The following CRY1 variants were observed in gnomAD, a reference collection of about 807,000 sequenced individuals.
CRY1 encodes cryptochrome-1.
Under a neutral mutation model 76.0 loss-of-function variants are expected in CRY1, and 45 were observed. That is an observed-to-expected ratio of 0.59 (90% CI 0.47 to 0.76). CRY1 has a LOEUF of 0.76. Among genes scored for constraint, CRY1 ranks in the 30% least tolerant of loss-of-function variants. CRY1 has a pLI of 0.00. For missense variants in CRY1, 587 were observed against 716.4 expected, an observed-to-expected ratio of 0.82 and a Z score of 2.06; for synonymous variants, 248 against 244.0, an observed-to-expected ratio of 1.02 and a Z score of -0.15.
At chr12:107,069,656 GTA>G (rs1165928985) in intron 1 of CRY1, among the ~76,000 whole-genome samples, 6 of 96,252 alleles carry the variant, frequency 6.2e-5, no homozygotes, top group African/African-American at 2.5e-4. Context: ...AGTATATAAA[GTA>G]TATATAAAGT....
intron 1 of CRY1, among the ~76,000 whole-genome samples, chr12:107,045,469 C>T (rs1029734872): frequency 1.3e-5 from 2 of 152,094 alleles, no homozygotes; most frequent in African/African-American, 4.8e-5. Flanking sequence ...ACAAGCATGG[C>T]CAACGTGGCG....
chr12:107,032,651 C>T (rs12303629), intron 1 of CRY1, among the ~76,000 whole-genome samples: 100 of 152,228 alleles, frequency 6.6e-4, no homozygotes, highest in African/African-American at 2.3e-3. Context: ...TGGAGAAACC[C>T]TGATTAAATT....
chr12:107,001,206 A>G (rs1201427457), intron 5 of CRY1, 74 bp downstream of exon 5: 17 of 1,112,592 alleles, frequency 1.5e-5, no homozygotes, highest in Non-Finnish European at 2.2e-5. Context: ...TGTTATTTTT[A>G]AAAGAGAGAA....
intron 2 of CRY1, among the ~76,000 whole-genome samples, chr12:107,016,182 C>G (rs973290287): frequency 1.3e-5 from 2 of 151,972 alleles, no homozygotes; most frequent in African/African-American, 4.8e-5. Flanking sequence ...TGGTGGCGCA[C>G]TCCTGTAGTC....
chr12:107,037,901 G>A (rs570047194), intron 1 of CRY1, among the ~76,000 whole-genome samples: 1 of 152,010 alleles, frequency 6.6e-6, no homozygotes, highest in Non-Finnish European at 1.5e-5. Flanking sequence ...TAGCTATGGG[G>A]TCTCACTATG....
chr12:107,046,801 T>C (rs993948775), intron 1 of CRY1, among the ~76,000 whole-genome samples: 1 of 152,194 alleles, frequency 6.6e-6, no homozygotes, highest in African/African-American at 2.4e-5. Flanking sequence ...GCTCATAATA[T>C]AATGATAAAA....
At chr12:107,080,654 A>C (rs906185395) in intron 1 of CRY1, among the ~76,000 whole-genome samples, 2 of 152,070 alleles carry the variant, frequency 1.3e-5, no homozygotes, top group African/African-American at 2.4e-5. Flanking sequence ...ATTGTTAAAA[A>C]AAAATAAAAA....
chr12:107,041,222 T>C (rs569679804), intron 1 of CRY1, among the ~76,000 whole-genome samples: 5 of 152,216 alleles, frequency 3.3e-5, no homozygotes, highest in South Asian at 2.1e-4. Flanking sequence ...AAAAAAATTC[T>C]ACTCCTTAGA....
chr12:107,058,812 G>T (rs1198321433), intron 1 of CRY1, among the ~76,000 whole-genome samples: 1 of 152,180 alleles, frequency 6.6e-6, no homozygotes, highest in Non-Finnish European at 1.5e-5. Flanking sequence ...CCTGGAATAA[G>T]GATTCTAATA....
chr12:107,084,840 A>C (rs979767040), intron 1 of CRY1, among the ~76,000 whole-genome samples: 2 of 152,208 alleles, frequency 1.3e-5, no homozygotes, highest in African/African-American at 2.4e-5. Flanking sequence ...ATTAAACTAA[A>C]GAGTTTCTGC....
At chr12:107,039,936 T>G (rs1038269525) in intron 1 of CRY1, among the ~76,000 whole-genome samples, 2 of 152,166 alleles carry the variant, frequency 1.3e-5, no homozygotes, top group African/African-American at 4.8e-5. Context: ...GAAAATATTA[T>G]ACATACATAC....
At chr12:107,064,033 T>C (rs954963049) in intron 1 of CRY1, among the ~76,000 whole-genome samples, 2 of 152,168 alleles carry the variant, frequency 1.3e-5, no homozygotes, top group Non-Finnish European at 2.9e-5. Context: ...AGAGTATACT[T>C]ATTTTTTTTT....
At chr12:107,009,372 C>A (rs931570796) in intron 2 of CRY1, among the ~76,000 whole-genome samples, 2 of 151,380 alleles carry the variant, frequency 1.3e-5, no homozygotes, top group Non-Finnish European at 2.9e-5. Flanking sequence ...AACCCCGTCT[C>A]CAATAAAGAT....
At chr12:106,998,691 CAA>C (rs1491392517) in intron 7 of CRY1, among the ~76,000 whole-genome samples, 25 of 151,156 alleles carry the variant, frequency 1.7e-4, no homozygotes, top group Middle Eastern at 3.4e-3. Flanking sequence ...CACACACACA[CAA>C]GCTCAGAAAT....
At chr12:107,029,392 G>C (rs1003483154) in intron 1 of CRY1, among the ~76,000 whole-genome samples, 2 of 152,012 alleles carry the variant, frequency 1.3e-5, no homozygotes, top group Admixed American at 1.3e-4. Context: ...AGGAGTTTGA[G>C]ACCAGCCTGA....
At chr12:107,032,509 G>GACACACACACAC (rs71076712) in intron 1 of CRY1, among the ~76,000 whole-genome samples, 1 of 150,786 alleles carries the variant, frequency 6.6e-6, no homozygotes, top group Non-Finnish European at 1.5e-5. Context: ...AACTGTTACA[G>GACACACACACAC]ACACACACAC....
chr12:107,061,828 C>T (rs202017962), intron 1 of CRY1, among the ~76,000 whole-genome samples: 2 of 151,992 alleles, frequency 1.3e-5, no homozygotes, highest in East Asian at 3.9e-4. Flanking sequence ...TTATCCAATG[C>T]TGGGAAGGAG....
intron 1 of CRY1, among the ~76,000 whole-genome samples, chr12:107,033,667 G>A (rs1262350668): frequency 6.6e-6 from 1 of 152,008 alleles, no homozygotes; most frequent in African/African-American, 2.4e-5. Context: ...TGTATAAAGA[G>A]TAGCAACAAA....
chr12:107,000,231 TAAGAC>T, intron 5 of CRY1, 149 bp from the exon 6 acceptor site: 1 of 796,296 alleles, frequency 1.3e-6, no homozygotes, highest in South Asian at 2.6e-5. Flanking sequence ...TAATAAAAAA[TAAGAC>T]AGGATAAAAA....
Sources: gnomAD v4.1 joint callset for allele counts (sites outside exome capture counted in the v4.1 genomes callset) on GRCh38, gnomAD v4.1.1 for gene constraint, MANE v1.5 for transcripts, NCBI Gene and HGNC (gene_info 2026-07-23, HGNC 2026-07-21) for gene names.